Variants in APBA1 observed in about 807,000 individuals in gnomAD.
The protein encoded by APBA1 is amyloid beta precursor protein binding family A member 1, also known as amyloid-beta A4 precursor protein-binding family A member 1.
APBA1 carries 55 observed loss-of-function variants against 86.6 expected under a neutral mutation model. The ratio of observed to expected loss-of-function variants is 0.64; its 90% CI spans 0.51 to 0.80. The LOEUF is 0.80. Ranked by LOEUF, APBA1 falls within the 30% of genes least tolerant of loss-of-function variation. APBA1 has a pLI of 0.00. For synonymous variants in APBA1, 511 were observed against 493.9 expected, an observed-to-expected ratio of 1.03 and a Z score of -0.46; for missense variants, 1,090 against 1,183.0, an observed-to-expected ratio of 0.92 and a Z score of 1.15.
At chr9:69,636,890 A>AAGGAAGGAAGGAAGGAAGGAAG (rs1823180588) in intron 1 of APBA1, among the ~76,000 whole-genome samples, 1 of 23,496 alleles carries the variant, frequency 4.3e-5, no homozygotes, top group Non-Finnish European at 9.3e-5. Flanking sequence ...AAGGAAGGAA[A>AAGGAAGGAAGGAAGGAAGGAAG]GAAGGAAGGA....
intron 10 of APBA1, among the ~76,000 whole-genome samples, chr9:69,441,402 C>A (rs1381172234): frequency 6.6e-6 from 1 of 152,198 alleles, no homozygotes; most frequent in Admixed American, 6.5e-5. Context: ...TTCAAGGGAT[C>A]TGATCAAAGT....
At chr9:69,632,946 G>A (rs893783961) in intron 1 of APBA1, among the ~76,000 whole-genome samples, 1 of 151,904 alleles carries the variant, frequency 6.6e-6, no homozygotes, top group Non-Finnish European at 1.5e-5. Flanking sequence ...AGGAAAGTGA[G>A]GTCAGAGTAT....
At chr9:69,672,429 C>A (rs1387944294), upstream of APBA1, 3 of 151,082 alleles carry the variant, frequency 2.0e-5, no homozygotes, top group Admixed American at 6.6e-5. Context: ...GCTGGCCCCT[C>A]GTGACGCGCG....
At chr9:69,565,080 G>A (rs1361252764) in intron 1 of APBA1, among the ~76,000 whole-genome samples, 1 of 152,208 alleles carries the variant, frequency 6.6e-6, no homozygotes, top group African/African-American at 2.4e-5. Context: ...AAAGCTAAGA[G>A]AAGAAAATGT....
chr9:69,472,233 T>C (rs1371400459), intron 3 of APBA1, among the ~76,000 whole-genome samples: 1 of 152,244 alleles, frequency 6.6e-6, no homozygotes, highest in Non-Finnish European at 1.5e-5. Flanking sequence ...TTGTGTGTTA[T>C]CTGAATAAGA....
intron 1 of APBA1, among the ~76,000 whole-genome samples, chr9:69,522,313 C>T (rs1836266469): frequency 6.7e-6 from 1 of 150,340 alleles, no homozygotes; most frequent in Non-Finnish European, 1.5e-5. Context: ...ACCCCTCCCA[C>T]CCAATAGTTG....
At chr9:69,595,249 G>T (rs990005594) in intron 1 of APBA1, among the ~76,000 whole-genome samples, 4 of 152,120 alleles carry the variant, frequency 2.6e-5, no homozygotes, top group Admixed American at 6.5e-5. Context: ...ATAAGTCAAA[G>T]AAATACCTGA....
intron 1 of APBA1, among the ~76,000 whole-genome samples, chr9:69,552,930 G>T (rs757216168): frequency 4.1e-5 from 6 of 146,228 alleles, no homozygotes; most frequent in Admixed American, 6.8e-5. Flanking sequence ...TTTTGATAGG[G>T]TCTTACTCTG....
intron 1 of APBA1, among the ~76,000 whole-genome samples, chr9:69,567,388 T>C (rs1420796536): frequency 1.3e-5 from 2 of 152,184 alleles, no homozygotes; most frequent in African/African-American, 4.8e-5. Flanking sequence ...GGAATTCTTT[T>C]TTTTCCTTTC....
chr9:69,490,409 G>A (rs1329981900), intron 2 of APBA1, among the ~76,000 whole-genome samples: 1 of 151,608 alleles, frequency 6.6e-6, no homozygotes, highest in African/African-American at 2.4e-5. Flanking sequence ...CACCAGCATG[G>A]CACATGTATA....
chr9:69,432,727 C>T, intron 11 of APBA1, 51 bp from the exon 12 acceptor site: 1 of 1,409,958 alleles, frequency 7.1e-7, no homozygotes, highest in Non-Finnish European at 9.3e-7. Context: ...TGCGGTGGGG[C>T]TGGAAGGCCG....
chr9:69,482,587 T>C (rs1181898303), intron 2 of APBA1, among the ~76,000 whole-genome samples: 4 of 150,688 alleles, frequency 2.7e-5, no homozygotes, highest in African/African-American at 9.8e-5. Flanking sequence ...GATCTAGAAC[T>C]AGAAATACCA....
chr9:69,515,695 G>C (rs1028147417), intron 2 of APBA1, among the ~76,000 whole-genome samples: 2 of 28,318 alleles, frequency 7.1e-5, no homozygotes, highest in Middle Eastern at 0.018. Context: ...GAAACTGGGG[G>C]GGGGGGGGGC....
intron 2 of APBA1, among the ~76,000 whole-genome samples, chr9:69,481,857 G>A (rs1238380704): frequency 1.3e-4 from 20 of 151,988 alleles, no homozygotes; most frequent in South Asian, 2.1e-4. Context: ...CCTGAGAAAA[G>A]CAAGCAATGG....
chr9:69,563,674 A>G (rs1836981854), intron 1 of APBA1, among the ~76,000 whole-genome samples: 1 of 151,934 alleles, frequency 6.6e-6, no homozygotes, highest in African/African-American at 2.4e-5. Flanking sequence ...TTTGCTAGAG[A>G]CTTGTCTATC....
At chr9:69,458,808 C>CTTTTTTTTTTT (rs533176322) in intron 5 of APBA1, among the ~76,000 whole-genome samples, 1 of 140,482 alleles carries the variant, frequency 7.1e-6, no homozygotes, top group Non-Finnish European at 1.6e-5. Flanking sequence ...CTTTTCTTTT[C>CTTTTTTTTTTT]TTTTTTTTTT....
At chr9:69,467,319 T>G (rs1369549462) in intron 5 of APBA1, among the ~76,000 whole-genome samples, 1 of 152,240 alleles carries the variant, frequency 6.6e-6, no homozygotes, top group Non-Finnish European at 1.5e-5. Context: ...TGGATTAGCC[T>G]TGCACTGACC....
chr9:69,550,477 T>C (rs1836766971), intron 1 of APBA1, among the ~76,000 whole-genome samples: 2 of 152,232 alleles, frequency 1.3e-5, no homozygotes. Context: ...TAGGTTCTTA[T>C]TTGAAATAAT....
chr9:69,516,744 T>C lies in APBA1; in HGVS notation c.467A>G (p.Glu156Gly). Residue 156 changes from glutamate (E) to glycine (G), a missense_variant, in exon 2 of 13, where the codon GAG becomes GGG. By Grantham distance (98) the Glu-to-Gly change is moderately conservative. Coordinates refer to ENST00000265381, the MANE Select transcript of APBA1 (RefSeq NM_001163.4). This position sits in a 1 kb window ranked among gnomAD's most constrained non-coding sequence, Gnocchi z 7.3. ...LPNHLHFHSL[E>G]HEEAMNAAYS... Reference sequence around the variant, plus strand: ...GGCCGCATTCATGGCTTCCTCGTGCTCCAGCGAGTGGAAGTGCAGGTGGTT... The same window carrying C: ...GGCCGCATTCATGGCTTCCTCGTGCCCCAGCGAGTGGAAGTGCAGGTGGTT... 6.2e-7 allele frequency: 1 copy of C among 1,612,130 alleles called. No individual in the cohort carries two copies. The highest frequency in any genetic ancestry group is 1.7e-4 in the Middle Eastern group (1 of 6,060).
Sources: allele counts gnomAD v4.1 joint callset (sites outside exome capture counted in the v4.1 genomes callset), GRCh38; gene constraint gnomAD v4.1.1; non-coding constraint Gnocchi (gnomAD v3.1); transcripts MANE v1.5; gene names NCBI Gene and HGNC (gene_info 2026-07-23, HGNC 2026-07-21).